COMMD1: variants seen among roughly 807,000 people sequenced by gnomAD.
COMMD1 encodes the protein copper metabolism domain containing 1, also known as COMM domain-containing protein 1.
Under a neutral mutation model 17.2 loss-of-function variants are expected in COMMD1, and 10 were observed. The ratio of observed to expected loss-of-function variants is 0.58; its 90% CI spans 0.36 to 0.99. The LOEUF is 0.99. Ranked by LOEUF, COMMD1 falls within the 50% of genes least tolerant of loss-of-function variation. The pLI, the probability that COMMD1 is intolerant of heterozygous loss-of-function variation, is 0.01. For missense variants in COMMD1, 270 were observed against 231.8 expected (o/e 1.17, Z -1.07); for synonymous variants, 97 against 91.6 (o/e 1.06, Z -0.34).
At chr2:62,029,829 A>G (rs186606727) in intron 2 of COMMD1, among the ~76,000 whole-genome samples, 1 of 152,326 alleles carries the variant, frequency 6.6e-6, no homozygotes, top group Admixed American at 6.5e-5. Flanking sequence ...TGCCTTGCAG[A>G]ATGTGTGGGA....
intron 1 of COMMD1, among the ~76,000 whole-genome samples, chr2:61,924,771 A>T (rs574406461): frequency 1.3e-4 from 20 of 152,306 alleles, no homozygotes; most frequent in African/African-American, 4.3e-4. Flanking sequence ...AGCCTCTTAA[A>T]ACAGATCTCT....
intron 2 of COMMD1, among the ~76,000 whole-genome samples, chr2:62,012,178 A>G (rs1363264573): frequency 1.3e-5 from 2 of 151,260 alleles, no homozygotes; most frequent in Non-Finnish European, 2.9e-5. Flanking sequence ...AATCACTTGA[A>G]CCCAGGAGGC....
chr2:62,055,075 A>G (rs933182622), intron 2 of COMMD1, among the ~76,000 whole-genome samples: 1 of 152,208 alleles, frequency 6.6e-6, no homozygotes, highest in Non-Finnish European at 1.5e-5. Flanking sequence ...AGTTGCTTGC[A>G]TACTCATATC....
intron 1 of COMMD1, among the ~76,000 whole-genome samples, chr2:61,960,573 G>T (rs537511298): frequency 4.7e-4 from 72 of 152,266 alleles, no homozygotes; most frequent in African/African-American, 1.6e-3. Flanking sequence ...TCCTTGTAGA[G>T]CTTGGGTTAT....
intron 1 of COMMD1, among the ~76,000 whole-genome samples, chr2:61,917,010 T>C (rs1181652957): frequency 6.6e-6 from 1 of 152,132 alleles, no homozygotes; most frequent in Non-Finnish European, 1.5e-5. Flanking sequence ...GCTTGCTAAA[T>C]ACCTGGGAAA....
In COMMD1 at chr2:61,943,119, T is replaced by G. The variant is rs574035350; in HGVS notation, c.180+37261T>G. On this transcript the variant is annotated intron_variant, in intron 1 of 2. Coordinates refer to ENST00000311832, the MANE Select transcript of COMMD1 (RefSeq NM_152516.4). ...GCAGGCTGAAAAGAAAGCAGAGAGA[T>G]AGAGAACTTAGGAACTTTATAGTTG... is the stretch of plus-strand genomic sequence containing the variant. Among the ~76,000 whole-genome samples the G allele has an allele frequency of 2.6e-5, 4 of 152,266 alleles. No homozygotes were observed. In the South Asian group the frequency reaches 6.2e-4, roughly 24 times the overall value.
chr2:62,091,639 T>A (rs1671832373), intron 2 of COMMD1, among the ~76,000 whole-genome samples: 1 of 152,220 alleles, frequency 6.6e-6, no homozygotes, highest in Admixed American at 6.5e-5. Flanking sequence ...GTCCACCACT[T>A]GACCATAAAT....
intron 1 of COMMD1, among the ~76,000 whole-genome samples, chr2:61,890,806 G>GAT (rs1363015638): frequency 1.4e-5 from 2 of 142,484 alleles, no homozygotes; most frequent in African/African-American, 2.7e-5. Context: ...CAGCCTGGGT[G>GAT]ATAGAGCAAG....
intron 2 of COMMD1, among the ~76,000 whole-genome samples, chr2:62,118,638 G>T (rs1672664185): frequency 6.6e-6 from 1 of 152,204 alleles, no homozygotes; most frequent in South Asian, 2.1e-4. Context: ...GGATCTAGTT[G>T]TGGGGTAGGA....
intron 1 of COMMD1, among the ~76,000 whole-genome samples, chr2:61,931,943 A>G (rs1366195946): frequency 6.6e-6 from 1 of 152,244 alleles, no homozygotes; most frequent in Non-Finnish European, 1.5e-5. Context: ...TGGTAGTTGC[A>G]GGATTTCTAT....
chr2:61,956,791 G>A (rs1334728930), intron 1 of COMMD1, among the ~76,000 whole-genome samples: 1 of 150,562 alleles, frequency 6.6e-6, no homozygotes, highest in African/African-American at 2.4e-5. Flanking sequence ...TCGCTCTGTC[G>A]CCAGGCTGGT....
At chr2:62,099,823 G>A (rs758338298) in intron 2 of COMMD1, among the ~76,000 whole-genome samples, 11 of 152,076 alleles carry the variant, frequency 7.2e-5, no homozygotes, top group South Asian at 6.2e-4. Context: ...CTGTAGGGCC[G>A]CTGCATGTTG....
chr2:61,996,129 T>C (rs1308052829), intron 1 of COMMD1, among the ~76,000 whole-genome samples: 2 of 152,124 alleles, frequency 1.3e-5, no homozygotes, highest in Non-Finnish European at 2.9e-5. Context: ...GCCCAGGAGT[T>C]TGAGGCTGCA....
intron 2 of COMMD1, chr2:62,055,312 T>G (rs565305017): frequency 6.6e-5 from 27 of 410,060 alleles, no homozygotes; most frequent in African/African-American, 5.4e-4. Flanking sequence ...CCAAAATAAG[T>G]AAAAAGGAAG....
intron 2 of COMMD1, among the ~76,000 whole-genome samples, chr2:62,017,690 GAA>G (rs1669490558): frequency 6.6e-6 from 1 of 150,950 alleles, no homozygotes; most frequent in South Asian, 2.1e-4. Flanking sequence ...AAAAAAAAAA[GAA>G]AAATGAAGGT....
intron 1 of COMMD1, among the ~76,000 whole-genome samples, chr2:61,963,065 C>T (rs902056708): frequency 2.0e-5 from 3 of 151,350 alleles, no homozygotes; most frequent in Admixed American, 6.6e-5. Flanking sequence ...GAGGCTGAGG[C>T]AGGAGAATCA....
intron 2 of COMMD1, among the ~76,000 whole-genome samples, chr2:62,130,255 G>A (rs2104099190): frequency 6.7e-6 from 1 of 149,270 alleles, no homozygotes; most frequent in Non-Finnish European, 1.5e-5. Flanking sequence ...ATGAAACATA[G>A]CCAGCTTTAT....
At chr2:61,955,348 A>C (rs975311138) in intron 1 of COMMD1, among the ~76,000 whole-genome samples, 2 of 148,396 alleles carry the variant, frequency 1.3e-5, no homozygotes, top group African/African-American at 2.6e-5. Context: ...GTCTCTCTCG[A>C]TGGATCCTCC....
intron 1 of COMMD1, among the ~76,000 whole-genome samples, chr2:61,954,689 T>G (rs74967853): frequency 6.7e-6 from 1 of 148,418 alleles, no homozygotes; most frequent in Non-Finnish European, 1.5e-5. Flanking sequence ...CTCTCTCTCT[T>G]TTTTTTTTTT....
Sources: gnomAD v4.1 joint callset for allele counts (sites outside exome capture counted in the v4.1 genomes callset) on GRCh38, gnomAD v4.1.1 for gene constraint, MANE v1.5 for transcripts, NCBI Gene and HGNC (gene_info 2026-07-23, HGNC 2026-07-21) for gene names.